The following RFX4 variants were observed in gnomAD, a reference collection of about 807,000 sequenced individuals.
RFX4 encodes the protein transcription factor RFX4.
In RFX4, 10 loss-of-function variants were observed where a neutral mutation model predicts 95.0. The observed-to-expected ratio is 0.11, with a 90% CI of 0.06 to 0.18. The LOEUF is 0.18. Among genes scored for constraint, RFX4 ranks in the 10% least tolerant of loss-of-function variants. RFX4 has a pLI of 1.00. For missense variants in RFX4, 640 were observed against 922.0 expected (o/e 0.69, Z 3.96); for synonymous variants, 321 against 340.7 (o/e 0.94, Z 0.64).
intron 2 of RFX4, among the ~76,000 whole-genome samples, chr12:106,624,752 C>G (rs1159923364): frequency 6.6e-6 from 1 of 152,158 alleles, no homozygotes; most frequent in Non-Finnish European, 1.5e-5. Context: ...GCAGAAAAAG[C>G]TTACCAACTC....
chr12:106,656,606 G>GACCTGC (rs1321231540), intron 4 of RFX4, among the ~76,000 whole-genome samples: 1 of 152,080 alleles, frequency 6.6e-6, no homozygotes, highest in African/African-American at 2.4e-5. Flanking sequence ...GGGCTTACTG[G>GACCTGC]CCCTGCCCCT....
At chr12:106,760,522 A>C (rs368699914) in intron 17 of RFX4, among the ~76,000 whole-genome samples, 1 of 151,752 alleles carries the variant, frequency 6.6e-6, no homozygotes, top group East Asian at 1.9e-4. Context: ...TCCTTCCTCC[A>C]CATTCACACC....
At chr12:106,600,450 T>A (rs2039684880) in intron 1 of RFX4, among the ~76,000 whole-genome samples, 1 of 152,130 alleles carries the variant, frequency 6.6e-6, no homozygotes, top group East Asian at 1.9e-4. Flanking sequence ...TATTTATAGT[T>A]GACCACACTA....
chr12:106,701,380 G>A (rs1321272603), intron 8 of RFX4, among the ~76,000 whole-genome samples: 1 of 151,930 alleles, frequency 6.6e-6, no homozygotes, highest in Non-Finnish European at 1.5e-5. Flanking sequence ...AATCCTACTT[G>A]GGGTTTTCTG....
intron 13 of RFX4, among the ~76,000 whole-genome samples, chr12:106,721,417 C>T (rs1324224800): frequency 6.6e-6 from 1 of 152,160 alleles, no homozygotes; most frequent in Non-Finnish European, 1.5e-5. Flanking sequence ...AGGAGATATC[C>T]CCACCTCAAG....
At chr12:106,753,258 C>T (rs2043043633) in intron 17 of RFX4, among the ~76,000 whole-genome samples, 1 of 152,188 alleles carries the variant, frequency 6.6e-6, no homozygotes. Flanking sequence ...CCGAGTTCCT[C>T]CATGTCTTTG....
chr12:106,756,734 AGTGAGTTAATAAAG>A (rs1482243472), intron 17 of RFX4, among the ~76,000 whole-genome samples: 1 of 152,228 alleles, frequency 6.6e-6, no homozygotes, highest in Non-Finnish European at 1.5e-5. Context: ...GTGAGGGTCA[AGTGAGTTAATAAAG>A]GTCGGAACAG....
intron 4 of RFX4, among the ~76,000 whole-genome samples, 185 bp downstream of exon 4, chr12:106,654,536 G>T (rs983550618): frequency 2.6e-5 from 4 of 152,108 alleles, no homozygotes; most frequent in African/African-American, 9.7e-5. Flanking sequence ...CAAAAACATT[G>T]TAAAGTAAGA....
chr12:106,710,360 CT>C (rs975777367), intron 9 of RFX4, among the ~76,000 whole-genome samples: 2 of 152,124 alleles, frequency 1.3e-5, no homozygotes, highest in African/African-American at 4.8e-5. Context: ...TGGCTCTCAG[CT>C]CTTTTCTTTT....
intron 2 of RFX4, among the ~76,000 whole-genome samples, chr12:106,630,267 T>A (rs1242982855): frequency 6.6e-6 from 1 of 152,242 alleles, no homozygotes; most frequent in Non-Finnish European, 1.5e-5. Flanking sequence ...AAATTTTGGA[T>A]TTTTTATATA....
intron 4 of RFX4, among the ~76,000 whole-genome samples, chr12:106,669,758 A>G (rs2041244788): frequency 6.6e-6 from 1 of 151,748 alleles, no homozygotes; most frequent in South Asian, 2.1e-4. Context: ...TAATTCTTGT[A>G]TATATTTTTC....
intron 2 of RFX4, among the ~76,000 whole-genome samples, chr12:106,624,475 C>T (rs191647221): frequency 1.8e-3 from 280 of 152,248 alleles, no homozygotes; most frequent in African/African-American, 6.1e-3. Context: ...CAGGAGCGCA[C>T]CACCACGTCC....
At position 106,761,511 on chromosome 12, in the gene RFX4, T is replaced by TTAA. The variant is rs943499335; in HGVS notation, c.*55_*57dup. The TTAA allele has an allele frequency of 1.0e-5, 13 of 1,270,406 alleles. No individual in the cohort carries two copies. The African/African-American group carries it at 1.4e-4, about 14-fold the overall frequency. 78.7% of individuals were successfully genotyped at this position (1,270,406 alleles called of 1,614,324 possible). Reference sequence around the variant, plus strand: ...CCATATTTAATATTAATAATAATAATTAATAATAATAATAAACCCAACACC... The same window carrying TTAA: ...CCATATTTAATATTAATAATAATAATTAATAATAATAATAATAAACCCAACACC... On this transcript the variant is annotated 3_prime_UTR_variant, in exon 18 of 18. Coordinates refer to ENST00000392842, the MANE Select transcript of RFX4 (RefSeq NM_213594.3).
chr12:106,593,682 T>C (rs1175787844), intron 1 of RFX4, among the ~76,000 whole-genome samples: 1 of 152,250 alleles, frequency 6.6e-6, no homozygotes, highest in Non-Finnish European at 1.5e-5. Flanking sequence ...AATGTTGCGA[T>C]TATAGGATTT....
chr12:106,644,958 T>C (rs77067813), intron 3 of RFX4, among the ~76,000 whole-genome samples: 11,277 of 151,864 alleles, frequency 0.074, 962 homozygotes, highest in African/African-American at 0.21. Context: ...CGAGCTCTCC[T>C]GGGACATTTG....
At chr12:106,729,900 A>T (rs1468676773) in intron 13 of RFX4, among the ~76,000 whole-genome samples, 2 of 152,184 alleles carry the variant, frequency 1.3e-5, no homozygotes, top group Non-Finnish European at 2.9e-5. Flanking sequence ...ATTTCAGAGA[A>T]ACAGTTGGAA....
At chr12:106,679,718 G>A (rs575080592) in intron 4 of RFX4, among the ~76,000 whole-genome samples, 6 of 152,170 alleles carry the variant, frequency 3.9e-5, no homozygotes, top group Admixed American at 6.5e-5. Context: ...TCTTTCTATC[G>A]CTATTAGCAT....
intron 2 of RFX4, among the ~76,000 whole-genome samples, chr12:106,630,310 T>A (rs1170087261): frequency 6.6e-6 from 1 of 152,252 alleles, no homozygotes; most frequent in East Asian, 1.9e-4. Context: ...TTTATGGCTT[T>A]GTGATTTTGT....
intron 1 of RFX4, among the ~76,000 whole-genome samples, chr12:106,587,316 G>A (rs1372244685): frequency 6.6e-6 from 1 of 152,212 alleles, no homozygotes; most frequent in Admixed American, 6.5e-5. Flanking sequence ...GCGTCACCAT[G>A]GAGACTGCTG....
Sources: gnomAD v4.1 joint callset for allele counts (sites outside exome capture counted in the v4.1 genomes callset) on GRCh38, gnomAD v4.1.1 for gene constraint, MANE v1.5 for transcripts, NCBI Gene and HGNC (gene_info 2026-07-23, HGNC 2026-07-21) for gene names.